Variants in GHR observed in about 807,000 individuals in gnomAD.
The protein encoded by GHR is growth hormone receptor.
A neutral mutation model predicts 67.1 loss-of-function variants in GHR; 35 were observed. The observed-to-expected ratio is 0.52, with a 90% CI of 0.40 to 0.69. The LOEUF (loss-of-function observed/expected upper bound fraction) is 0.69, where lower values mean the gene tolerates loss of function less well. Ranked by LOEUF, GHR falls within the 30% of genes least tolerant of loss-of-function variation. The pLI is 0.00. For missense variants in GHR, 792 were observed against 764.6 expected, an observed-to-expected ratio of 1.04 and a Z score of -0.42; for synonymous variants, 272 against 269.1, an observed-to-expected ratio of 1.01 and a Z score of -0.10.
At position 42,718,909 on chromosome 5, in the gene GHR, C is replaced by G; in HGVS notation, c.1402C>G (p.His468Asp). The change falls in exon 10 of 10, where the codon CAC becomes GAC. Residue 468 changes from histidine (H) to aspartate (D), a missense_variant. Physicochemically the swap from His to Asp is moderately conservative, Grantham distance 81 (BLOSUM62 -1). Coordinates refer to ENST00000230882, the MANE Select transcript of GHR (RefSeq NM_000163.5). The stretch of plus-strand genomic sequence containing the variant: ...TCCTACTGAAGGAGCTGAGTCAACT[C>G]ACCAAGCTGCCCATATTCAGCTAAG... The part of the protein sequence containing the change: ...PLPTEGAEST[H>D]QAAHIQLSNP... 2 of 1,614,150 alleles carry G rather than the reference C, an allele frequency of 1.2e-6. No individual in the cohort carries two copies. Among genetic ancestry groups the G allele is most frequent in the South Asian group, 2.2e-5 (2 of 91,074 alleles).
At chr5:42,555,028 T>C (rs997061438) in intron 1 of GHR, among the ~76,000 whole-genome samples, 7 of 152,036 alleles carry the variant, frequency 4.6e-5, no homozygotes, top group African/African-American at 1.7e-4. Context: ...TCCTGAAGAG[T>C]GAAGGGGTAC....
At chr5:42,534,433 C>T in intron 1 of GHR, among the ~76,000 whole-genome samples, 2 of 136,196 alleles carry the variant, frequency 1.5e-5, no homozygotes, top group Middle Eastern at 3.8e-3. Context: ...TATATATGTA[C>T]ATGTGTATAT....
intron 2 of GHR, among the ~76,000 whole-genome samples, chr5:42,575,505 A>G (rs1579971544): frequency 2.6e-5 from 4 of 152,136 alleles, no homozygotes; most frequent in South Asian, 4.1e-4. Flanking sequence ...GTAGAATCCA[A>G]CAGTGGTGTG....
intron 1 of GHR, among the ~76,000 whole-genome samples, chr5:42,466,595 A>G (rs1328923647): frequency 6.6e-6 from 1 of 152,204 alleles, no homozygotes; most frequent in Non-Finnish European, 1.5e-5. Flanking sequence ...CCCCAAATAC[A>G]ATCATTACTT....
chr5:42,682,252 C>A (rs1756921435), intron 3 of GHR, among the ~76,000 whole-genome samples: 1 of 152,154 alleles, frequency 6.6e-6, no homozygotes, highest in East Asian at 1.9e-4. Context: ...GTTAGGCTCT[C>A]TTGTTAATTG....
chr5:42,516,223 C>T (rs547650248), intron 1 of GHR, among the ~76,000 whole-genome samples: 1 of 152,292 alleles, frequency 6.6e-6, no homozygotes, highest in African/African-American at 2.4e-5. Flanking sequence ...TGATTTCCAC[C>T]TTTAAAGCAG....
rs187867297 is a variant in GHR, at chr5:42,443,766, C to T, written c.-12+19811C>T. Among the ~76,000 whole-genome samples the T allele has an allele frequency of 4.6e-4, 70 of 152,134 alleles. 1 individual carries two copies. Among genetic ancestry groups the T allele is most frequent in the Non-Finnish European group, 7.2e-4 (49 of 68,000 alleles). On this transcript the variant is annotated intron_variant, in intron 1 of 9. Transcript: ENST00000230882. The stretch of plus-strand genomic sequence containing the variant: ...AAGTCCAAGTCCGCTGCAGAATTTC[C>T]CTTTGCTTGGGAGGTCAGTCTTTGG...
chr5:42,434,153 G>T (rs995441505), intron 1 of GHR, among the ~76,000 whole-genome samples: 3 of 152,024 alleles, frequency 2.0e-5, no homozygotes, highest in African/African-American at 7.3e-5. Flanking sequence ...GCTTTACAAT[G>T]GCAGAGCTGA....
At chr5:42,668,900 T>C (rs963161655) in intron 3 of GHR, among the ~76,000 whole-genome samples, 6 of 152,300 alleles carry the variant, frequency 3.9e-5, no homozygotes, top group South Asian at 4.1e-4. Flanking sequence ...CATCATAAAG[T>C]TGAAAAATCC....
At chr5:42,531,026 T>A (rs1286678775) in intron 1 of GHR, among the ~76,000 whole-genome samples, 1 of 152,144 alleles carries the variant, frequency 6.6e-6, no homozygotes, top group Non-Finnish European at 1.5e-5. Flanking sequence ...CCCAGCACTT[T>A]GGAGGCCAAG....
rs555380661 is a variant in GHR at position 42,476,090 on chromosome 5, G to C, written c.-12+52135G>C. On this transcript the variant is annotated intron_variant, in intron 1 of 9. Transcript: ENST00000230882. Reference sequence around the variant, plus strand: ...CGGCTAATTTTTTGTATTTTTAATAGAGACGCGGTTTCACCGTGTTAGCCA... The same window carrying C: ...CGGCTAATTTTTTGTATTTTTAATACAGACGCGGTTTCACCGTGTTAGCCA... Among the ~76,000 whole-genome samples, 62 of 151,964 alleles carry C rather than the reference G, an allele frequency of 4.1e-4. 1 individual carries two copies. The highest frequency in any genetic ancestry group is 5.0e-4 in the Non-Finnish European group (34 of 67,978).
chr5:42,485,787 GC>G (rs1745852285), intron 1 of GHR, among the ~76,000 whole-genome samples: 1 of 152,196 alleles, frequency 6.6e-6, no homozygotes, highest in South Asian at 2.1e-4. Flanking sequence ...TTAGAAGCCA[GC>G]TCACAAGAAG....
chr5:42,429,015 T>TGG (rs1742976358), intron 1 of GHR, among the ~76,000 whole-genome samples: 8 of 152,192 alleles, frequency 5.3e-5, no homozygotes, highest in Non-Finnish European at 1.0e-4. Flanking sequence ...TTGGGTATCT[T>TGG]TACAGCAGCA....
chr5:42,574,258 T>C (rs568707549), intron 2 of GHR, among the ~76,000 whole-genome samples: 6 of 152,328 alleles, frequency 3.9e-5, no homozygotes, highest in South Asian at 2.1e-4. Context: ...GGGCACCGTT[T>C]GGCCAGCTGG....
chr5:42,590,173 C>A (rs577684727), intron 2 of GHR, among the ~76,000 whole-genome samples: 87 of 152,246 alleles, frequency 5.7e-4, no homozygotes, highest in African/African-American at 2.1e-3. Flanking sequence ...TATAGCTGGG[C>A]AAGTACATAT....
intron 1 of GHR, among the ~76,000 whole-genome samples, chr5:42,481,058 C>A (rs1407068138): frequency 1.3e-5 from 2 of 151,920 alleles, no homozygotes; most frequent in Non-Finnish European, 2.9e-5. Context: ...GTGCTTCCTT[C>A]AGGAGCTCTT....
intron 1 of GHR, among the ~76,000 whole-genome samples, chr5:42,544,247 A>C (rs1271779821): frequency 6.6e-6 from 1 of 152,202 alleles, no homozygotes; most frequent in Non-Finnish European, 1.5e-5. Flanking sequence ...GCGTGAGAAG[A>C]CATACTTAGA....
intron 1 of GHR, among the ~76,000 whole-genome samples, chr5:42,458,966 C>T (rs1744374447): frequency 6.6e-6 from 1 of 151,792 alleles, no homozygotes; most frequent in African/African-American, 2.4e-5. Flanking sequence ...TGGCTATTAC[C>T]AAAAAGTAAA....
chr5:42,662,082 C>T (rs1287768284), intron 3 of GHR, among the ~76,000 whole-genome samples: 1 of 152,190 alleles, frequency 6.6e-6, no homozygotes, highest in Non-Finnish European at 1.5e-5. Context: ...GCACCCAATA[C>T]AGGAGCATCC....
Sources: gnomAD v4.1 joint callset for allele counts (sites outside exome capture counted in the v4.1 genomes callset) on GRCh38, gnomAD v4.1.1 for gene constraint, MANE v1.5 for transcripts, NCBI Gene and HGNC (gene_info 2026-07-23, HGNC 2026-07-21) for gene names.